Variants in SPTLC1 observed in about 807,000 individuals in gnomAD.
SPTLC1 encodes the protein serine palmitoyltransferase 1.
Under a neutral mutation model 68.9 loss-of-function variants are expected in SPTLC1, and 55 were observed. The ratio of observed to expected loss-of-function variants is 0.80; its 90% CI spans 0.64 to 1.00. The LOEUF (loss-of-function observed/expected upper bound fraction) is 1.00. Among genes scored for constraint, SPTLC1 ranks in the 50% least tolerant of loss-of-function variants. SPTLC1 has a pLI of 0.00. For missense variants in SPTLC1, 449 were observed against 573.1 expected (o/e 0.78, Z 2.21); for synonymous variants, 197 against 201.6 (o/e 0.98, Z 0.19).
At chr9:92,072,598 TTC>T (rs1376379072) in intron 5 of SPTLC1, among the ~76,000 whole-genome samples, 2 of 152,146 alleles carry the variant, frequency 1.3e-5, no homozygotes, top group African/African-American at 4.8e-5. Flanking sequence ...CCCCACTGGC[TTC>T]TGTCCTCAAA....
At chr9:92,097,054 A>G (rs976605615) in intron 3 of SPTLC1, among the ~76,000 whole-genome samples, 2 of 152,252 alleles carry the variant, frequency 1.3e-5, no homozygotes, top group East Asian at 1.9e-4. Flanking sequence ...CAAATGGCCA[A>G]TAAGCCGATG....
At chr9:92,095,377 G>A (rs1361234232) in intron 3 of SPTLC1, among the ~76,000 whole-genome samples, 1 of 152,214 alleles carries the variant, frequency 6.6e-6, no homozygotes, top group Non-Finnish European at 1.5e-5. Context: ...TACCCCCAGA[G>A]AAATTCAAGG....
chr9:92,071,017 C>T lies in SPTLC1; in HGVS notation c.428-2919G>A, dbSNP rs996800514. Among the ~76,000 whole-genome samples, 5 of 151,678 alleles carry T rather than the reference C, an allele frequency of 3.3e-5. No homozygotes were observed. In the East Asian group the frequency reaches 5.8e-4, roughly 18 times the overall value. ...AGAGAGAACACCATAAAATAGCTGA[C>T]TTTAGGACGTTTAGAAACAAACTAC... On this transcript the variant is annotated intron_variant, in intron 5 of 14. Transcript: ENST00000262554.
At chr9:92,060,861 C>T (rs1564093837) in intron 6 of SPTLC1, among the ~76,000 whole-genome samples, 1 of 145,972 alleles carries the variant, frequency 6.9e-6, no homozygotes, top group East Asian at 2.0e-4. Flanking sequence ...TGCAGTGAGT[C>T]AAGATGGCGC....
At chr9:92,097,853 GA>G (rs1227333014) in intron 3 of SPTLC1, among the ~76,000 whole-genome samples, 3 of 151,956 alleles carry the variant, frequency 2.0e-5, no homozygotes, top group Admixed American at 6.5e-5. Flanking sequence ...CTGTTTAAAG[GA>G]AAAAAACCTT....
At chr9:92,094,022 A>C (rs141213023) in intron 3 of SPTLC1, among the ~76,000 whole-genome samples, 64 of 152,366 alleles carry the variant, frequency 4.2e-4, no homozygotes, top group Middle Eastern at 3.4e-3. Flanking sequence ...GTATAAAGTG[A>C]ATTCCAGCCA....
chr9:92,047,570 A>C (rs775974069), intron 10 of SPTLC1, 43 bp downstream of exon 10: 4 of 1,317,434 alleles, frequency 3.0e-6, no homozygotes, highest in Non-Finnish European at 3.3e-6. Flanking sequence ...ACCAATGGAG[A>C]AATTAGTTTC....
intron 3 of SPTLC1, chr9:92,104,830 T>C (rs1835898069): frequency 3.3e-6 from 5 of 1,529,674 alleles, no homozygotes; most frequent in Middle Eastern, 2.3e-4. Flanking sequence ...TGGAGGGAAA[T>C]GTCCACCTCA....
intron 3 of SPTLC1, among the ~76,000 whole-genome samples, chr9:92,083,493 A>T (rs1456528830): frequency 6.6e-6 from 1 of 152,234 alleles, no homozygotes; most frequent in Non-Finnish European, 1.5e-5. Flanking sequence ...TTTATTAAAT[A>T]GGGAATCCTT....
chr9:92,053,517 T>C (rs1833782646), intron 8 of SPTLC1, among the ~76,000 whole-genome samples: 1 of 152,166 alleles, frequency 6.6e-6, no homozygotes, highest in Non-Finnish European at 1.5e-5. Flanking sequence ...AACCCAAATA[T>C]CCATCTGTGG....
chr9:92,049,333 C>T (rs1833626804), intron 9 of SPTLC1, among the ~76,000 whole-genome samples: 1 of 152,296 alleles, frequency 6.6e-6, no homozygotes, highest in Middle Eastern at 3.4e-3. Context: ...TCAAGACTGG[C>T]TGACTTCCTC....
intron 7 of SPTLC1, among the ~76,000 whole-genome samples, chr9:92,057,391 C>T (rs1277918109): frequency 6.6e-6 from 1 of 152,194 alleles, no homozygotes; most frequent in East Asian, 1.9e-4. Flanking sequence ...TACTTGGATC[C>T]TGGAATGTAT....
In SPTLC1 at chr9:92,034,728, T is replaced by C. The variant is rs1029382522; in HGVS notation, c.1328+82A>G. The C allele has an allele frequency of 3.5e-6, 4 of 1,127,534 alleles. No homozygotes were observed. In the African/African-American group the frequency reaches 6.2e-5, roughly 17 times the overall value. 69.8% of individuals were successfully genotyped at this position (1,127,534 alleles called of 1,614,324 possible). On this transcript the variant is annotated intron_variant, in intron 14 of 14. Coordinates refer to ENST00000262554, the MANE Select transcript of SPTLC1 (RefSeq NM_006415.4). ...TTCTTCCATAGCCTATGATAGTCTT[T>C]CAAAATTTTTCAAAAGATAACGTAT...
At chr9:92,032,640 G>A (rs10115565) in intron 14 of SPTLC1, 82 bp from the exon 15 acceptor site, 76,939 of 1,564,834 alleles carry the variant, frequency 0.049, 4,559 homozygotes, top group African/African-American at 0.3. Flanking sequence ...CACTTTGGAG[G>A]CCAAGGCAGG....
At chr9:92,040,407 A>C (rs998838195) in intron 12 of SPTLC1, among the ~76,000 whole-genome samples, 2 of 152,042 alleles carry the variant, frequency 1.3e-5, no homozygotes, top group Non-Finnish European at 2.9e-5. Flanking sequence ...AAACAAAAAA[A>C]ACAACAAAAA....
At chr9:92,081,585 G>A (rs564759149) in intron 3 of SPTLC1, among the ~76,000 whole-genome samples, 7 of 152,288 alleles carry the variant, frequency 4.6e-5, no homozygotes, top group African/African-American at 1.7e-4. Flanking sequence ...AGGTACTTCC[G>A]TTAAGCCCTC....
intron 13 of SPTLC1, among the ~76,000 whole-genome samples, chr9:92,036,468 A>G (rs1458409543): frequency 2.6e-5 from 4 of 152,264 alleles, no homozygotes; most frequent in Admixed American, 1.3e-4. Context: ...TGCAATGAAT[A>G]CACTGGCATC....
chr9:92,057,104 T>C (rs1178737723), intron 7 of SPTLC1, among the ~76,000 whole-genome samples: 3 of 152,248 alleles, frequency 2.0e-5, no homozygotes, highest in Non-Finnish European at 4.4e-5. Context: ...AACATATAAA[T>C]TACTTTGTTC....
At chr9:92,056,014 G>A (rs1833876349) in intron 7 of SPTLC1, among the ~76,000 whole-genome samples, 2 of 152,320 alleles carry the variant, frequency 1.3e-5, no homozygotes, top group Non-Finnish European at 1.5e-5. Flanking sequence ...AAAGCTGGGA[G>A]AAGGGTACAG....
Sources: allele counts gnomAD v4.1 joint callset (sites outside exome capture counted in the v4.1 genomes callset), GRCh38; gene constraint gnomAD v4.1.1; transcripts MANE v1.5; gene names NCBI Gene and HGNC (gene_info 2026-07-23, HGNC 2026-07-21).